Variants in AUTS2 observed in about 807,000 individuals in gnomAD.
AUTS2 encodes the protein activator of transcription and developmental regulator AUTS2, also known as autism susceptibility gene 2 protein.
In AUTS2, 17 loss-of-function variants were observed where a neutral mutation model predicts 112.4. The observed-to-expected ratio is 0.15, with a 90% CI of 0.10 to 0.23. The LOEUF (loss-of-function observed/expected upper bound fraction) is 0.23, where lower values mean the gene tolerates loss of function less well. Ranked by LOEUF, AUTS2 falls within the 10% of genes least tolerant of loss-of-function variation. AUTS2 has a pLI of 1.00. For missense variants in AUTS2, 1,510 were observed against 1,701.6 expected, an observed-to-expected ratio of 0.89 and a Z score of 1.98; for synonymous variants, 751 against 702.7, an observed-to-expected ratio of 1.07 and a Z score of -1.09.
chr7:70,282,113 C>T (rs1788245882), intron 4 of AUTS2, among the ~76,000 whole-genome samples: 1 of 152,162 alleles, frequency 6.6e-6, no homozygotes, highest in Admixed American at 6.5e-5. Context: ...CCCATACCTT[C>T]CCTGGGCATG....
At chr7:70,514,185 C>T (rs898599918) in intron 5 of AUTS2, among the ~76,000 whole-genome samples, 3 of 152,178 alleles carry the variant, frequency 2.0e-5, no homozygotes, top group Admixed American at 1.3e-4. Flanking sequence ...TATTAATCCT[C>T]CTATTGGATA....
At chr7:70,552,527 T>A (rs978804946) in intron 5 of AUTS2, among the ~76,000 whole-genome samples, 1 of 152,110 alleles carries the variant, frequency 6.6e-6, no homozygotes, top group African/African-American at 2.4e-5. Context: ...GCTTGGAAAA[T>A]AGAAGGTTTG....
intron 2 of AUTS2, among the ~76,000 whole-genome samples, chr7:69,987,794 G>A (rs371389795): frequency 3.9e-5 from 6 of 152,124 alleles, no homozygotes; most frequent in Admixed American, 6.5e-5. Context: ...TTTCCAATAC[G>A]TCATGACTAT....
intron 5 of AUTS2, among the ~76,000 whole-genome samples, chr7:70,615,565 CTTGTTGTTG>C (rs57037063): frequency 4.9e-4 from 73 of 148,580 alleles, no homozygotes; most frequent in Admixed American, 1.5e-3. Context: ...AGATTTATGG[CTTGTTGTTG>C]TTGTTGTTGT....
chr7:70,413,169 A>G (rs926970186), intron 4 of AUTS2, among the ~76,000 whole-genome samples: 4 of 152,210 alleles, frequency 2.6e-5, no homozygotes, highest in Admixed American at 2.6e-4. Context: ...CAGTGGTTCC[A>G]ATATGAGCAA....
chr7:70,019,866 A>G (rs1346730461), intron 2 of AUTS2, among the ~76,000 whole-genome samples: 1 of 152,186 alleles, frequency 6.6e-6, no homozygotes, highest in East Asian at 1.9e-4. Context: ...TGATAAATGT[A>G]ATTTAGACTT....
intron 4 of AUTS2, among the ~76,000 whole-genome samples, chr7:70,203,344 T>A (rs1342806605): frequency 2.6e-3 from 285 of 110,400 alleles, no homozygotes; most frequent in Middle Eastern, 5.4e-3. Context: ...TAGAGTATAA[T>A]AAAAAAAAAA....
chr7:69,839,227 T>C (rs1791863542), intron 1 of AUTS2, among the ~76,000 whole-genome samples: 1 of 152,104 alleles, frequency 6.6e-6, no homozygotes, highest in Non-Finnish European at 1.5e-5. Flanking sequence ...TGGCTTTCTT[T>C]TTGCTTGGAC....
intron 2 of AUTS2, among the ~76,000 whole-genome samples, chr7:70,095,861 G>A (rs146289768): frequency 1.3e-5 from 2 of 152,260 alleles, no homozygotes; most frequent in African/African-American, 2.4e-5. Flanking sequence ...ATTGAAGAAA[G>A]GGTTTGATCC....
At chr7:70,760,278 T>G (rs920033662) in intron 6 of AUTS2, among the ~76,000 whole-genome samples, 1 of 152,252 alleles carries the variant, frequency 6.6e-6, no homozygotes, top group South Asian at 2.1e-4. Context: ...GTGCTGGGAT[T>G]ACAGGCGTGA....
rs74877897 is a variant in AUTS2 at position 70,138,576 on chromosome 7, A to G, written c.660+4005A>G. On this transcript the variant is annotated intron_variant, in intron 4 of 18. Coordinates refer to ENST00000342771, the MANE Select transcript of AUTS2 (RefSeq NM_015570.4). ...AAATAGCTTGTATCCTGCTTTTGTA[A>G]ACTCCATAATTTCTCTTAAGGATTC... Among the ~76,000 whole-genome samples, 918 of 152,274 alleles carry G rather than the reference A, an allele frequency of 6.0e-3. 12 individuals carry two copies. Among genetic ancestry groups the G allele is most frequent in the African/African-American group, 0.022 (897 of 41,546 alleles).
In AUTS2 at chr7:70,610,087, C is replaced by T. The variant is rs1040189452; in HGVS notation, c.691-88482C>T. Among the ~76,000 whole-genome samples the T allele has an allele frequency of 2.6e-5, 4 of 152,086 alleles. No homozygotes were observed. In the South Asian group the frequency reaches 6.2e-4, roughly 24 times the overall value. On this transcript the variant is annotated intron_variant, in intron 5 of 18. Coordinates refer to ENST00000342771, the MANE Select transcript of AUTS2 (RefSeq NM_015570.4). ...GCATCTTGGCTCACTGCAATCTCCA[C>T]CTCCTGGGTTAAAGCGATGCTCTTG...
intron 1 of AUTS2, among the ~76,000 whole-genome samples, chr7:69,797,885 G>A (rs1271423149): frequency 1.3e-5 from 2 of 152,100 alleles, no homozygotes; most frequent in Admixed American, 6.6e-5. Context: ...TGGGCCTCTG[G>A]CATCTTAGAA....
chr7:70,757,988 G>C (rs1461739286), intron 6 of AUTS2, among the ~76,000 whole-genome samples: 2 of 151,704 alleles, frequency 1.3e-5, no homozygotes, highest in African/African-American at 4.8e-5. Context: ...CACCATGTTG[G>C]CCAGGCTGGT....
rs573207746 is a variant in AUTS2, at chr7:70,501,842, C to A, written c.690+66061C>A. ...TTTTGCAGCCATCTAGCTTTCTTTT[C>A]CCCCTACCCCAGCAACCCACAAACT... On this transcript the variant is annotated intron_variant, in intron 5 of 18. Coordinates refer to ENST00000342771, the MANE Select transcript of AUTS2 (RefSeq NM_015570.4). Among the ~76,000 whole-genome samples the A allele has an allele frequency of 4.7e-4, 72 of 152,208 alleles. 1 individual carries two copies. The highest frequency in any genetic ancestry group is 1.6e-3 in the African/African-American group (65 of 41,532).
intron 6 of AUTS2, among the ~76,000 whole-genome samples, chr7:70,704,255 C>G (rs569543857): frequency 6.6e-6 from 1 of 152,276 alleles, no homozygotes; most frequent in East Asian, 1.9e-4. Context: ...GAATTGTGAA[C>G]CGGGTGGAAG....
intron 5 of AUTS2, among the ~76,000 whole-genome samples, chr7:70,586,587 A>C (rs567430723): frequency 2.0e-5 from 3 of 152,322 alleles, no homozygotes; most frequent in African/African-American, 7.2e-5. Context: ...CTGGGATAGC[A>C]CTGGTAGACA....
At position 70,731,420 on chromosome 7, in the gene AUTS2, C is replaced by CTTTTTTT. The variant is rs56244002; in HGVS notation, c.743-31429_743-31423dup. Among the ~76,000 whole-genome samples, 53 of 69,510 alleles carry CTTTTTTT rather than the reference C, an allele frequency of 7.6e-4. 8 individuals are homozygous for CTTTTTTT. The highest frequency in any genetic ancestry group is 1.1e-3 in the East Asian group (2 of 1,798). 45.6% of individuals were successfully genotyped at this position (69,510 alleles called of 152,430 possible). ...GCTCATATATCCCCTTTACCCAGAT[C>CTTTTTTT]TTTTTTTTTTTTTTTTTTTTTTTTT... On this transcript the variant is annotated intron_variant, in intron 6 of 18. Transcript: ENST00000342771.
At chr7:69,640,964 AC>A (rs1214008445) in intron 1 of AUTS2, among the ~76,000 whole-genome samples, 1 of 152,216 alleles carries the variant, frequency 6.6e-6, no homozygotes, top group East Asian at 1.9e-4. Context: ...CATTACAGAT[AC>A]AAGGTTGGGT....
Sources: allele counts gnomAD v4.1 joint callset (sites outside exome capture counted in the v4.1 genomes callset), GRCh38; gene constraint gnomAD v4.1.1; transcripts MANE v1.5; gene names NCBI Gene and HGNC (gene_info 2026-07-23, HGNC 2026-07-21).